Variants in TSHZ2 observed in about 807,000 individuals in gnomAD.
TSHZ2 encodes teashirt homolog 2.
Under a neutral mutation model 74.4 loss-of-function variants are expected in TSHZ2, and 21 were observed. The ratio of observed to expected loss-of-function variants is 0.28; its 90% CI spans 0.20 to 0.41. TSHZ2 has a LOEUF of 0.41. Ranked by LOEUF, TSHZ2 falls within the 10% of genes least tolerant of loss-of-function variation. The pLI, the probability that TSHZ2 is intolerant of heterozygous loss-of-function variation, is 1.00. For missense variants in TSHZ2, 1,244 were observed against 1,293.5 expected, an observed-to-expected ratio of 0.96 and a Z score of 0.59; for synonymous variants, 540 against 515.3, an observed-to-expected ratio of 1.05 and a Z score of -0.65.
intron 1 of TSHZ2, among the ~76,000 whole-genome samples, chr20:53,012,477 C>T (rs146276667): frequency 0.015 from 2,213 of 152,208 alleles, 25 homozygotes; most frequent in Non-Finnish European, 0.024. Context: ...TAACAAGATC[C>T]GCAGGTGGTT....
At chr20:53,220,724 G>A (rs1188586386) in intron 1 of TSHZ2, among the ~76,000 whole-genome samples, 1 of 152,080 alleles carries the variant, frequency 6.6e-6, no homozygotes, top group Non-Finnish European at 1.5e-5. Context: ...TGCATCCTGT[G>A]GCACCTTGTA....
intron 1 of TSHZ2, among the ~76,000 whole-genome samples, chr20:53,222,190 C>T (rs985117949): frequency 2.0e-5 from 3 of 152,160 alleles, no homozygotes; most frequent in Admixed American, 2.0e-4. Context: ...CCACTCTACC[C>T]CTCCTCCCCA....
At chr20:53,000,265 A>G (rs1439586759) in intron 1 of TSHZ2, among the ~76,000 whole-genome samples, 2 of 152,244 alleles carry the variant, frequency 1.3e-5, no homozygotes, top group Admixed American at 6.5e-5. Flanking sequence ...CTTAGGTTAT[A>G]TAAGTACCTA....
intron 2 of TSHZ2, among the ~76,000 whole-genome samples, chr20:53,259,410 T>A (rs1370069258): frequency 6.6e-6 from 1 of 151,720 alleles, no homozygotes; most frequent in African/African-American, 2.4e-5. Context: ...TAAGTGTGCA[T>A]CTCTATTTTA....
At chr20:53,025,619 A>G (rs759961783) in intron 1 of TSHZ2, among the ~76,000 whole-genome samples, 3 of 152,202 alleles carry the variant, frequency 2.0e-5, no homozygotes, top group Non-Finnish European at 1.5e-5. Context: ...CACATCTAGA[A>G]CAAGTCAGGA....
chr20:53,482,375 G>A (rs6097449), intron 2 of TSHZ2, among the ~76,000 whole-genome samples: 30,446 of 152,042 alleles, frequency 0.2, 3,222 homozygotes, highest in East Asian at 0.3. Context: ...GTGAAGCAAT[G>A]TCACATTGTC....
At chr20:53,106,842 C>T (rs1214926561) in intron 1 of TSHZ2, among the ~76,000 whole-genome samples, 3 of 152,008 alleles carry the variant, frequency 2.0e-5, no homozygotes, top group East Asian at 3.9e-4. Flanking sequence ...GGACTACAGG[C>T]ATGCACCACC....
chr20:53,455,502 C>T (rs182681734), intron 2 of TSHZ2: 6 of 152,208 alleles, frequency 3.9e-5, no homozygotes, highest in African/African-American at 7.2e-5. Flanking sequence ...TAGTGGTCAT[C>T]GGGCATTATT....
intron 2 of TSHZ2, among the ~76,000 whole-genome samples, chr20:53,262,828 T>C (rs1990629978): frequency 6.6e-6 from 1 of 152,174 alleles, no homozygotes; most frequent in African/African-American, 2.4e-5. Context: ...CATGTTCTCC[T>C]ATTAAATCCA....
At chr20:53,439,350 A>G (rs1000400039) in intron 2 of TSHZ2, among the ~76,000 whole-genome samples, 5 of 149,996 alleles carry the variant, frequency 3.3e-5, no homozygotes, top group Non-Finnish European at 7.4e-5. Flanking sequence ...GCTCACTATT[A>G]AAAAAAAAAT....
chr20:53,182,715 G>T (rs918097766), intron 1 of TSHZ2, among the ~76,000 whole-genome samples: 1 of 152,044 alleles, frequency 6.6e-6, no homozygotes, highest in Non-Finnish European at 1.5e-5. Flanking sequence ...TACCAGGAGG[G>T]TTTTCTGCCA....
chr20:53,119,464 A>G (rs1365167187), intron 1 of TSHZ2, among the ~76,000 whole-genome samples: 1 of 152,202 alleles, frequency 6.6e-6, no homozygotes, highest in Non-Finnish European at 1.5e-5. Flanking sequence ...GGAAGCTCAG[A>G]GCCCTCAGTG....
chr20:53,045,410 G>A (rs988762975), intron 1 of TSHZ2, among the ~76,000 whole-genome samples: 1 of 152,252 alleles, frequency 6.6e-6, no homozygotes, highest in Non-Finnish European at 1.5e-5. Flanking sequence ...GGTAGTTGGT[G>A]TAAACATCAT....
intron 1 of TSHZ2, among the ~76,000 whole-genome samples, chr20:52,984,575 G>C (rs1347472338): frequency 6.6e-6 from 1 of 152,118 alleles, no homozygotes; most frequent in Non-Finnish European, 1.5e-5. Flanking sequence ...AGACGGGGAG[G>C]GTGAGCAGGG....
chr20:53,470,471 G>A (rs545560233), intron 2 of TSHZ2, among the ~76,000 whole-genome samples: 1 of 152,254 alleles, frequency 6.6e-6, no homozygotes, highest in Non-Finnish European at 1.5e-5. Context: ...ACACCGCTAA[G>A]CATCATGTGT....
intron 2 of TSHZ2, among the ~76,000 whole-genome samples, chr20:53,411,374 G>A (rs956900004): frequency 2.0e-5 from 3 of 152,148 alleles, no homozygotes; most frequent in Non-Finnish European, 2.9e-5. Flanking sequence ...GTCTCCAAGT[G>A]AGCTCCATGT....
intron 1 of TSHZ2, among the ~76,000 whole-genome samples, chr20:53,051,182 T>C (rs901155953): frequency 1.3e-5 from 2 of 151,970 alleles, no homozygotes; most frequent in Non-Finnish European, 2.9e-5. Context: ...CCACTAAAAA[T>C]ACAAAAATTA....
At chr20:53,453,040 T>C (rs773791668) in intron 2 of TSHZ2, 4 of 152,152 alleles carry the variant, frequency 2.6e-5, no homozygotes, top group African/African-American at 7.2e-5. Flanking sequence ...AGATTATAAA[T>C]CAGCTACAAG....
At chr20:53,337,742 G>A (rs6022402) in intron 2 of TSHZ2, among the ~76,000 whole-genome samples, 4,966 of 152,256 alleles carry the variant, frequency 0.033, 257 homozygotes, top group African/African-American at 0.11. Flanking sequence ...CCTTCCATGC[G>A]TGGCAGCTGA....
Sources: allele counts gnomAD v4.1 joint callset (sites outside exome capture counted in the v4.1 genomes callset), GRCh38; gene constraint gnomAD v4.1.1; transcripts MANE v1.5; gene names NCBI Gene and HGNC (gene_info 2026-07-23, HGNC 2026-07-21).